ZCWPW2: variants seen among roughly 807,000 people sequenced by gnomAD.
The protein encoded by ZCWPW2 is zinc finger CW-type and PWWP domain containing 2.
In ZCWPW2, 45 loss-of-function variants were observed where a neutral mutation model predicts 46.6. That is an observed-to-expected ratio of 0.96 (90% CI 0.76 to 1.24). The LOEUF is 1.24. Among genes scored for constraint, ZCWPW2 ranks in the 50% most tolerant of loss-of-function variants. The probability of loss-of-function intolerance (pLI) is 0.00; values close to 1 mark genes in which losing one functional copy is unlikely to be tolerated. For synonymous variants in ZCWPW2, 152 were observed against 137.1 expected, an observed-to-expected ratio of 1.11 and a Z score of -0.76; for missense variants, 429 against 403.9, an observed-to-expected ratio of 1.06 and a Z score of -0.53.
intron 4 of ZCWPW2, among the ~76,000 whole-genome samples, chr3:28,477,472 G>A (rs1382523604): frequency 6.6e-6 from 1 of 152,190 alleles, no homozygotes; most frequent in Non-Finnish European, 1.5e-5. Flanking sequence ...AAAATATTAT[G>A]TATTGCCTCC....
intron 2 of ZCWPW2, among the ~76,000 whole-genome samples, chr3:28,400,700 T>C (rs1332543128): frequency 6.6e-6 from 1 of 152,196 alleles, no homozygotes; most frequent in Non-Finnish European, 1.5e-5. Flanking sequence ...AAGCTTCATA[T>C]ATGAAGGAAA....
At chr3:28,462,331 G>T (rs1384463606) in intron 4 of ZCWPW2, among the ~76,000 whole-genome samples, 2 of 152,192 alleles carry the variant, frequency 1.3e-5, no homozygotes, top group Non-Finnish European at 2.9e-5. Context: ...ACTCTGAAAA[G>T]ATTCTTTTGT....
intron 1 of ZCWPW2, among the ~76,000 whole-genome samples, chr3:28,355,888 TA>T: frequency 6.6e-6 from 1 of 152,310 alleles, no homozygotes; most frequent in Admixed American, 6.5e-5. Flanking sequence ...CCTAAAACCA[TA>T]AAAACCCTAG....
chr3:28,447,033 A>G (rs951488734), intron 4 of ZCWPW2, among the ~76,000 whole-genome samples: 1 of 152,150 alleles, frequency 6.6e-6, no homozygotes, highest in African/African-American at 2.4e-5. Flanking sequence ...CAAATCTCCC[A>G]ACAATAAAGA....
At chr3:28,365,536 T>C (rs1202726562) in intron 1 of ZCWPW2, among the ~76,000 whole-genome samples, 2 of 141,012 alleles carry the variant, frequency 1.4e-5, no homozygotes, top group East Asian at 3.9e-4. Context: ...ACCATGCTGT[T>C]TTGGTTACCG....
intron 1 of ZCWPW2, among the ~76,000 whole-genome samples, chr3:28,384,367 T>A (rs1695197797): frequency 6.6e-6 from 1 of 152,134 alleles, no homozygotes; most frequent in Non-Finnish European, 1.5e-5. Context: ...TACTAGAAAA[T>A]TTTTTAAAAA....
At position 28,520,848 on chromosome 3, in the gene ZCWPW2, A is replaced by C. The variant is rs1575235535; in HGVS notation, c.785-144A>C. The C allele has an allele frequency of 6.5e-6, 6 of 918,656 alleles. No individual in the cohort carries two copies. The East Asian group carries it at 1.8e-4, about 28-fold the overall frequency. The allele number at this position is 918,656 out of a possible 1,614,324, so 56.9% of individuals were successfully genotyped here. The stretch of plus-strand genomic sequence containing the variant: ...TCATAATAATTTTGTATCAGGAAGA[A>C]GTCATGTATGAAAATTATATGAAAC... On this transcript the variant is annotated intron_variant, in intron 8 of 9. Coordinates refer to ENST00000383768, the MANE Select transcript of ZCWPW2 (RefSeq NM_001040432.4).
chr3:28,520,236 A>T (rs1700687576), intron 8 of ZCWPW2, among the ~76,000 whole-genome samples: 2 of 151,996 alleles, frequency 1.3e-5, no homozygotes, highest in Admixed American at 1.3e-4. Context: ...CAATCTCCTG[A>T]CCTCGTGATC....
At chr3:28,498,290 CT>C in intron 6 of ZCWPW2, among the ~76,000 whole-genome samples, 1 of 148,320 alleles carries the variant, frequency 6.7e-6, no homozygotes, top group African/African-American at 2.5e-5. Flanking sequence ...AAACAGTGTA[CT>C]GTGGTGGAAG....
chr3:28,440,365 A>G (rs889376521), intron 4 of ZCWPW2, among the ~76,000 whole-genome samples: 13 of 152,196 alleles, frequency 8.5e-5, no homozygotes, highest in African/African-American at 3.1e-4. Context: ...CCAGCAAAAC[A>G]TAATGTTGCA....
chr3:28,394,554 AT>A (rs1340024896), intron 2 of ZCWPW2, among the ~76,000 whole-genome samples: 4 of 152,090 alleles, frequency 2.6e-5, no homozygotes, highest in Admixed American at 6.6e-5. Context: ...GTATGGTGGC[AT>A]CATAAAAATA....
intron 4 of ZCWPW2, among the ~76,000 whole-genome samples, chr3:28,442,448 A>C (rs1469204561): frequency 6.6e-6 from 1 of 151,446 alleles, no homozygotes; most frequent in African/African-American, 2.4e-5. Context: ...TAGTGTCATC[A>C]ATATAATGGA....
At chr3:28,429,780 G>A (rs1250100063) in intron 3 of ZCWPW2, among the ~76,000 whole-genome samples, 1 of 152,174 alleles carries the variant, frequency 6.6e-6, no homozygotes, top group Admixed American at 6.5e-5. Context: ...TGGCTAAAAG[G>A]GGTCAAATGC....
intron 1 of ZCWPW2, among the ~76,000 whole-genome samples, chr3:28,362,042 A>T (rs547825714): frequency 5.9e-4 from 90 of 152,312 alleles, no homozygotes; most frequent in Non-Finnish European, 9.6e-4. Context: ...AAAAGAATTA[A>T]AAAGAAGATC....
At chr3:28,362,628 G>A (rs1442477198) in intron 1 of ZCWPW2, among the ~76,000 whole-genome samples, 2 of 152,176 alleles carry the variant, frequency 1.3e-5, no homozygotes, top group Non-Finnish European at 2.9e-5. Flanking sequence ...GCTGGTGGGA[G>A]TGTAAATTAG....
At chr3:28,453,444 T>G (rs542096045) in intron 4 of ZCWPW2, among the ~76,000 whole-genome samples, 146 of 152,314 alleles carry the variant, frequency 9.6e-4, no homozygotes, top group Non-Finnish European at 3.5e-4. Context: ...CATCATCAAA[T>G]GCATGAAAAA....
intron 3 of ZCWPW2, among the ~76,000 whole-genome samples, chr3:28,413,751 G>A (rs1321793494): frequency 1.3e-5 from 2 of 151,936 alleles, no homozygotes; most frequent in African/African-American, 4.8e-5. Flanking sequence ...TTTTTTAGAA[G>A]TGTGTCTTTA....
intron 4 of ZCWPW2, among the ~76,000 whole-genome samples, chr3:28,458,971 C>T (rs1005776227): frequency 6.6e-6 from 1 of 152,096 alleles, no homozygotes; most frequent in Non-Finnish European, 1.5e-5. Context: ...ATCCTGTTGC[C>T]ATTGTTCGTT....
In ZCWPW2 at chr3:28,375,999, C is replaced by T. The variant is rs1575064458; in HGVS notation, c.-133-14499C>T. Among the ~76,000 whole-genome samples, 3 of 151,924 alleles carry T rather than the reference C, an allele frequency of 2.0e-5. No individual in the cohort carries two copies. The South Asian group carries it at 6.2e-4, about 32-fold the overall frequency. ...TTCTTTTTTTTATGGCTGAATAGTA[C>T]TCCATTGTGAATATGTACCACATTT... is the stretch of plus-strand genomic sequence containing the variant. On this transcript the variant is annotated intron_variant, in intron 1 of 9. Coordinates refer to ENST00000383768, the MANE Select transcript of ZCWPW2 (RefSeq NM_001040432.4).
Sources: gnomAD v4.1 joint callset for allele counts (sites outside exome capture counted in the v4.1 genomes callset) on GRCh38, gnomAD v4.1.1 for gene constraint, MANE v1.5 for transcripts, NCBI Gene and HGNC (gene_info 2026-07-23, HGNC 2026-07-21) for gene names.